The following AGBL4 variants were observed in gnomAD, a reference collection of about 807,000 sequenced individuals.
AGBL4 encodes the protein cytosolic carboxypeptidase 6.
AGBL4 carries 58 observed loss-of-function variants against 66.4 expected under a neutral mutation model. The observed-to-expected ratio is 0.87, with a 90% confidence interval of 0.71 to 1.09. AGBL4 has a LOEUF of 1.09. Ranked by LOEUF, AGBL4 falls within the 50% of genes least tolerant of loss-of-function variation. The probability of loss-of-function intolerance (pLI) is 0.00; values close to 1 mark genes in which losing one functional copy is unlikely to be tolerated. For missense variants in AGBL4, 579 were observed against 631.0 expected (o/e 0.92, Z 0.88); for synonymous variants, 234 against 222.9 (o/e 1.05, Z -0.44).
At position 49,843,827 on chromosome 1, in the gene AGBL4, C is replaced by A. The variant is rs374573695; in HGVS notation, c.157+7569G>T. On this transcript the variant is annotated intron_variant, in intron 2 of 13. Coordinates refer to ENST00000371839, the MANE Select transcript of AGBL4 (RefSeq NM_032785.4). ...CAATATGGGGAAGGTACCCACATCA[C>A]CCCTCTAGGCCACTGTGGGGTCAGG... Among the ~76,000 whole-genome samples, 237 of 152,236 alleles carry A rather than the reference C, an allele frequency of 1.6e-3. 1 individual carries two copies. Among genetic ancestry groups the A allele is most frequent in the African/African-American group, 4.9e-3 (204 of 41,546 alleles).
chr1:48,829,007 A>G (rs1374420446), intron 6 of AGBL4, among the ~76,000 whole-genome samples: 2 of 152,200 alleles, frequency 1.3e-5, no homozygotes, highest in East Asian at 3.8e-4. Context: ...GTTGAGATAG[A>G]ATAGATCTTT....
At position 49,471,850 on chromosome 1, in the gene AGBL4, T is replaced by C. The variant is rs527940356; in HGVS notation, c.282+225463A>G. ...TTTCACCCTCTCCATACTGTAACAATGTGTCCCAACCCCACCATCAGAGTG... is the reference window on the plus strand; with the variant it reads ...TTTCACCCTCTCCATACTGTAACAACGTGTCCCAACCCCACCATCAGAGTG... On this transcript the variant is annotated intron_variant, in intron 3 of 13. Coordinates refer to ENST00000371839, the MANE Select transcript of AGBL4 (RefSeq NM_032785.4). The C allele has an allele frequency of 2.0e-5, 3 of 151,974 alleles. No homozygotes were observed. The South Asian group carries it at 6.2e-4, about 31-fold the overall frequency. The allele number at this position is 151,974 out of a possible 1,614,324, so 9.4% of individuals were successfully genotyped here. A position where few individuals can be genotyped will look rare whatever the true frequency, so the allele number is the denominator to read the frequency against.
intron 3 of AGBL4, among the ~76,000 whole-genome samples, chr1:49,282,316 A>G (rs1298625284): frequency 6.6e-6 from 1 of 152,136 alleles, no homozygotes; most frequent in Non-Finnish European, 1.5e-5. Flanking sequence ...CACTATGATA[A>G]CTCAAATGAA....
intron 3 of AGBL4, among the ~76,000 whole-genome samples, chr1:49,267,451 C>T (rs994415746): frequency 7.9e-5 from 12 of 152,182 alleles, no homozygotes; most frequent in South Asian, 2.1e-4. Flanking sequence ...GAGGCCAAAG[C>T]GGGCAGATCA....
intron 8 of AGBL4, among the ~76,000 whole-genome samples, chr1:48,641,392 A>T (rs774022042): frequency 2.4e-4 from 36 of 152,156 alleles, no homozygotes; most frequent in Admixed American, 5.9e-4. Context: ...TCCACTTCCC[A>T]TCACCACCAC....
intron 4 of AGBL4, among the ~76,000 whole-genome samples, chr1:49,116,225 A>T (rs538178681): frequency 1.1e-4 from 17 of 152,070 alleles, no homozygotes; most frequent in African/African-American, 3.6e-4. Flanking sequence ...TCTTTTTAAA[A>T]TTTTTTTATT....
chr1:49,221,463 T>C (rs892626179), intron 4 of AGBL4, among the ~76,000 whole-genome samples: 1 of 152,114 alleles, frequency 6.6e-6, no homozygotes, highest in African/African-American at 2.4e-5. Flanking sequence ...CTTAAGAAAG[T>C]TCTTTGAAAG....
intron 4 of AGBL4, among the ~76,000 whole-genome samples, chr1:49,094,720 G>A (rs371352759): frequency 1.2e-4 from 18 of 151,976 alleles, no homozygotes; most frequent in Admixed American, 5.3e-4. Context: ...ACAAACCCAC[G>A]GCCAATATCA....
intron 5 of AGBL4, among the ~76,000 whole-genome samples, chr1:48,961,613 G>T (rs898266567): frequency 2.0e-5 from 3 of 152,182 alleles, no homozygotes; most frequent in African/African-American, 7.2e-5. Context: ...CATCCCAGGA[G>T]GATCCTGGCA....
intron 3 of AGBL4, among the ~76,000 whole-genome samples, chr1:49,300,115 A>C (rs546231527): frequency 6.6e-6 from 1 of 152,254 alleles, no homozygotes; most frequent in East Asian, 1.9e-4. Context: ...GCTTTTTATC[A>C]TGTAATGAAG....
At chr1:49,440,005 G>A (rs1645990461) in intron 3 of AGBL4, among the ~76,000 whole-genome samples, 1 of 151,784 alleles carries the variant, frequency 6.6e-6, no homozygotes, top group South Asian at 2.1e-4. Context: ...TTCTTTCATT[G>A]GTTTTGGGGT....
intron 6 of AGBL4, among the ~76,000 whole-genome samples, chr1:48,770,240 T>G (rs1424098431): frequency 6.6e-6 from 1 of 152,258 alleles, no homozygotes; most frequent in Non-Finnish European, 1.5e-5. Flanking sequence ...ATCTTTTCTT[T>G]TCCTGCTTAT....
At chr1:49,854,312 G>GA in intron 1 of AGBL4, among the ~76,000 whole-genome samples, 1 of 151,962 alleles carries the variant, frequency 6.6e-6, no homozygotes. Context: ...TCTGAGGCAT[G>GA]AAAGGAGAGA....
At chr1:48,591,095 C>G in intron 9 of AGBL4, 110 bp from the exon 10 acceptor site, 1 of 741,904 alleles carries the variant, frequency 1.3e-6, no homozygotes, top group Non-Finnish European at 2.0e-6. Context: ...CACCCACCCC[C>G]CCCCACACAC....
In AGBL4 at chr1:49,497,466, G is replaced by C. The variant is rs112382415; in HGVS notation, c.282+199847C>G. The stretch of plus-strand genomic sequence containing the variant: ...AGACATGGAGCCAGTCATAAAACCA[G>C]TGTCATGAAGCTTTTCCCCTATATT... On this transcript the variant is annotated intron_variant, in intron 3 of 13. Coordinates refer to ENST00000371839, the MANE Select transcript of AGBL4 (RefSeq NM_032785.4). 2.1e-3 allele frequency among the ~76,000 whole-genome samples: 314 copies of C among 152,010 alleles called. 4 individuals carry two copies. The highest frequency in any genetic ancestry group is 7.0e-3 in the African/African-American group (292 of 41,536).
intron 3 of AGBL4, among the ~76,000 whole-genome samples, chr1:49,269,859 G>A (rs1440378443): frequency 6.6e-6 from 1 of 152,114 alleles, no homozygotes; most frequent in Non-Finnish European, 1.5e-5. Flanking sequence ...TTTCAAAGAA[G>A]CTTTAGAGAG....
chr1:49,845,148 A>C, intron 2 of AGBL4: 1 of 1,396,718 alleles, frequency 7.2e-7, no homozygotes, highest in Non-Finnish European at 1.0e-6. Flanking sequence ...CGCATACAGG[A>C]CAGAGACCTT....
chr1:49,538,881 G>A (rs1202092729), intron 3 of AGBL4, among the ~76,000 whole-genome samples: 5 of 152,032 alleles, frequency 3.3e-5, no homozygotes, highest in Admixed American at 1.3e-4. Flanking sequence ...AGGATAATTT[G>A]ACAATACATA....
At chr1:49,052,250 A>G (rs1032705324) in intron 4 of AGBL4, among the ~76,000 whole-genome samples, 1 of 152,118 alleles carries the variant, frequency 6.6e-6, no homozygotes, top group Non-Finnish European at 1.5e-5. Context: ...CTGGTCATGG[A>G]CAGCAACAAT....
Sources: allele counts gnomAD v4.1 joint callset (sites outside exome capture counted in the v4.1 genomes callset), GRCh38; gene constraint gnomAD v4.1.1; transcripts MANE v1.5; gene names NCBI Gene and HGNC (gene_info 2026-07-23, HGNC 2026-07-21).